EDDM13: variants seen among roughly 807,000 people sequenced by gnomAD.
The protein encoded by EDDM13 is epididymal protein 13.
EDDM13 carries 24 observed loss-of-function variants against 17.8 expected under a neutral mutation model. The ratio of observed to expected loss-of-function variants is 1.35; its 90% CI spans 0.98 to 1.90. The LOEUF (loss-of-function observed/expected upper bound fraction) is 1.90. EDDM13 is among the 40% of genes most tolerant of loss of function. The pLI is 0.00. For missense variants in EDDM13, 97 were observed against 100.8 expected, an observed-to-expected ratio of 0.96 and a Z score of 0.16; for synonymous variants, 31 against 37.5, an observed-to-expected ratio of 0.83 and a Z score of 0.63.
chr19:56,284,180 T>A lies in EDDM13; in HGVS notation c.119-18T>A, dbSNP rs759527150. ...ACCTTGGCCACCATGCTGACTCTCC[T>A]GGATGGGCTGCCATCAGGGATCATA... On this transcript the variant is annotated intron_variant, in intron 4 of 14. Transcript: ENST00000649256. The A allele has an allele frequency of 1.1e-5, 11 of 985,468 alleles. No homozygotes were observed. Among genetic ancestry groups the A allele is most frequent in the Non-Finnish European group, 1.3e-5 (11 of 829,962 alleles). 61.0% of individuals were successfully genotyped at this position (985,468 alleles called of 1,614,324 possible).
chr19:56,295,508 T>C (rs1781440396), intron 9 of EDDM13, among the ~76,000 whole-genome samples: 1 of 151,892 alleles, frequency 6.6e-6, no homozygotes, highest in African/African-American at 2.4e-5. Flanking sequence ...GGCAGGAGAA[T>C]CGCTTGAACC....
intron 12 of EDDM13, among the ~76,000 whole-genome samples, chr19:56,300,507 C>A (rs370220118): frequency 1.3e-5 from 2 of 152,218 alleles, no homozygotes; most frequent in Non-Finnish European, 2.9e-5. Flanking sequence ...CCCCTCCCAA[C>A]AAGAAGCTGG....
At chr19:56,297,269 T>C (rs1027136546) in intron 11 of EDDM13, among the ~76,000 whole-genome samples, 2 of 152,064 alleles carry the variant, frequency 1.3e-5, no homozygotes, top group Non-Finnish European at 2.9e-5. Flanking sequence ...TCTCTCCTCA[T>C]TCGAGGCACC....
chr19:56,296,778 A>C (rs2039904363), intron 11 of EDDM13, among the ~76,000 whole-genome samples: 1 of 152,204 alleles, frequency 6.6e-6, no homozygotes, highest in Non-Finnish European at 1.5e-5. Context: ...TCATGCCTGT[A>C]ATCCCAGCAC....
chr19:56,279,504 A>T (rs2038520660), intron 2 of EDDM13, among the ~76,000 whole-genome samples: 1 of 152,226 alleles, frequency 6.6e-6, no homozygotes, highest in South Asian at 2.1e-4. Flanking sequence ...TTAATTAAGC[A>T]TTTAGCATGT....
At chr19:56,307,340 T>A (rs1328581666) in intron 14 of EDDM13, among the ~76,000 whole-genome samples, 1 of 152,182 alleles carries the variant, frequency 6.6e-6, no homozygotes, top group African/African-American at 2.4e-5. Context: ...AATCCACCAG[T>A]GGAAACTCAC....
intron 9 of EDDM13, among the ~76,000 whole-genome samples, chr19:56,294,166 C>T (rs1365256886): frequency 2.0e-5 from 3 of 151,582 alleles, no homozygotes; most frequent in African/African-American, 7.3e-5. Context: ...CCCAGCCCTG[C>T]TCCAGTAACG....
At chr19:56,288,078 T>C (rs1274603585) in intron 6 of EDDM13, among the ~76,000 whole-genome samples, 1 of 152,128 alleles carries the variant, frequency 6.6e-6, no homozygotes, top group Non-Finnish European at 1.5e-5. Flanking sequence ...ACGAGGCTGG[T>C]GTGGCAGAGC....
intron 4 of EDDM13, chr19:56,283,149 T>C (rs938369139): frequency 6.6e-6 from 1 of 152,254 alleles, no homozygotes; most frequent in Non-Finnish European, 1.5e-5. Context: ...TTGCAAAACA[T>C]TTTCAACTCC....
intron 2 of EDDM13, among the ~76,000 whole-genome samples, chr19:56,276,801 TGCTGGGATTACAGGTGTGA>T (rs1208858809): frequency 1.3e-5 from 2 of 152,230 alleles, no homozygotes; most frequent in South Asian, 2.1e-4. Flanking sequence ...CCTCCCAAAG[TGCTGGGATTACAGGTGTGA>T]GCCACTGTGC....
chr19:56,303,956 C>T (rs965299165), intron 13 of EDDM13, among the ~76,000 whole-genome samples: 5 of 152,132 alleles, frequency 3.3e-5, no homozygotes, highest in Non-Finnish European at 5.9e-5. Context: ...ACCAAAGGAA[C>T]ATCTATGTGA....
chr19:56,305,645 A>T (rs1396654838), intron 14 of EDDM13, among the ~76,000 whole-genome samples: 1 of 152,222 alleles, frequency 6.6e-6, no homozygotes, highest in African/African-American at 2.4e-5. Flanking sequence ...CCACTGATGC[A>T]TCCTGGATGC....
chr19:56,308,616 G>GC (rs1056029606), intron 14 of EDDM13, among the ~76,000 whole-genome samples: 4 of 148,976 alleles, frequency 2.7e-5, no homozygotes, highest in East Asian at 2.0e-4. Context: ...GAGCCACCAC[G>GC]CCCCCCCATA....
intron 5 of EDDM13, among the ~76,000 whole-genome samples, chr19:56,284,671 T>C (rs955103122): frequency 2.0e-5 from 3 of 151,864 alleles, no homozygotes; most frequent in East Asian, 3.9e-4. Context: ...CCCACCACCA[T>C]GTCTGCCTAA....
At chr19:56,285,251 T>C (rs1296761350) in intron 6 of EDDM13, among the ~76,000 whole-genome samples, 1 of 152,232 alleles carries the variant, frequency 6.6e-6, no homozygotes, top group African/African-American at 2.4e-5. Flanking sequence ...TTTTTAAGTT[T>C]TATAAATAGC....
chr19:56,278,425 C>T (rs562362784), intron 2 of EDDM13, among the ~76,000 whole-genome samples: 2 of 152,320 alleles, frequency 1.3e-5, no homozygotes, highest in Non-Finnish European at 2.9e-5. Context: ...TGAGCCGCCC[C>T]GCCCAGCCAC....
intron 9 of EDDM13, among the ~76,000 whole-genome samples, chr19:56,292,370 CTTCT>C (rs2039568241): frequency 6.6e-6 from 1 of 152,090 alleles, no homozygotes; most frequent in Admixed American, 6.5e-5. Context: ...TCAAGCGATC[CTTCT>C]TTCTTAGCCT....
chr19:56,304,757 T>C, intron 13 of EDDM13, 36 bp from the exon 14 acceptor site: 1 of 984,836 alleles, frequency 1.0e-6, no homozygotes, highest in Non-Finnish European at 1.2e-6. Context: ...CCCAACTGTT[T>C]CTTTCTCTGT....
intron 9 of EDDM13, among the ~76,000 whole-genome samples, chr19:56,295,645 C>T (rs552139227): frequency 1.3e-5 from 2 of 152,044 alleles, no homozygotes; most frequent in African/African-American, 2.4e-5. Context: ...ATGGGAATGG[C>T]GTGGCGGCTT....
Sources: gnomAD v4.1 joint callset for allele counts (sites outside exome capture counted in the v4.1 genomes callset) on GRCh38, gnomAD v4.1.1 for gene constraint, MANE v1.5 for transcripts, NCBI Gene and HGNC (gene_info 2026-07-23, HGNC 2026-07-21) for gene names.